MOGS: variants seen among roughly 807,000 people sequenced by gnomAD.
The protein encoded by MOGS is epididymis secretory sperm binding protein.
Under a neutral mutation model 68.5 loss-of-function variants are expected in MOGS, and 45 were observed. The observed-to-expected ratio is 0.66, with a 90% CI of 0.52 to 0.84. MOGS has a LOEUF of 0.84. Ranked by LOEUF, MOGS falls within the 40% of genes least tolerant of loss-of-function variation. The pLI, the probability that MOGS is intolerant of heterozygous loss-of-function variation, is 0.00. For missense variants in MOGS, 1,020 were observed against 1,095.0 expected, an observed-to-expected ratio of 0.93 and a Z score of 0.97; for synonymous variants, 492 against 461.2, an observed-to-expected ratio of 1.07 and a Z score of -0.86.
chr2:74,463,837 G>C (rs1199957322), intron 2 of MOGS, among the ~76,000 whole-genome samples: 1 of 147,808 alleles, frequency 6.8e-6, no homozygotes, highest in Non-Finnish European at 1.5e-5. Flanking sequence ...CTAATTTTTT[G>C]TATTTTTAGT....
rs1672008503 is a variant in MOGS at position 74,464,438 on chromosome 2, C to T, written c.579+58G>A. 4 of 1,564,296 alleles carry T rather than the reference C, an allele frequency of 2.6e-6. No individual in the cohort carries two copies. In the South Asian group the frequency reaches 4.4e-5, roughly 17 times the overall value. On this transcript the variant is annotated intron_variant, in intron 2 of 3. Coordinates refer to ENST00000448666, the MANE Select transcript of MOGS (RefSeq NM_006302.3). ...GCCCACTTCATGCTGCATTTGCTGG[C>T]AGCAAGGGAAGGATGGAGGGGGTCT...
Position 74,463,236 on chromosome 2 carries a change from G to C in MOGS, c.730C>G (p.Leu244Val). The change falls in exon 3 of 4, where the codon CTT becomes GTT. Residue 244 changes from leucine (L) to valine (V), a missense_variant. Physicochemically the swap from Leu to Val is conservative, Grantham distance 32. Coordinates refer to ENST00000448666, the MANE Select transcript of MOGS (RefSeq NM_006302.3). ...TCCCCTGGACTGGTTGGTGGCAAAA[G>C]TGTAAAGCGGAAGTCACCAAGTTCA... The part of the protein sequence containing the change: ...TSELGDFRFT[L>V]LPPTSPGDTA... 6.2e-7 allele frequency: 1 copy of C among 1,614,174 alleles called. No homozygotes were observed. The highest frequency in any genetic ancestry group is 8.5e-7 in the Non-Finnish European group (1 of 1,180,032).
Position 74,462,534 on chromosome 2 carries a change from C to T in MOGS, c.1255G>A (p.Gly419Arg). Residue 419 changes from glycine (G) to arginine (R), a missense_variant, in exon 4 of 4, where the codon GGG (glycine) becomes AGG (arginine). Physicochemically the swap from Gly to Arg is moderately radical, Grantham distance 125 (BLOSUM62 -2). Around this residue, in one of 3 missense-constraint regions of MOGS, gnomAD observed 569 missense variants for 571.9 expected, o/e 0.99. Coordinates refer to ENST00000448666, the MANE Select transcript of MOGS (RefSeq NM_006302.3). ...GCTGGGTCCACCTTCTGCTCAGACC[C>T]TTCCACCCCGATGTCTGGCAATACC... ...GLVLPDIGVE[G>R]SEQKVDPALF... 2 of 1,609,772 alleles carry T rather than the reference C, an allele frequency of 1.2e-6. No individual in the cohort carries two copies. Among genetic ancestry groups the T allele is most frequent in the Non-Finnish European group, 1.7e-6 (2 of 1,177,140 alleles).
chr2:74,461,632 G>C lies in MOGS; in HGVS notation c.2157C>G (p.Ser719Arg). 6.2e-7 allele frequency: 1 copy of C among 1,614,028 alleles called. No individual in the cohort carries two copies. Among genetic ancestry groups the C allele is most frequent in the African/African-American group, 1.3e-5 (1 of 75,048 alleles). ...AACCAAAGGGGCTCCAGAGATGGCG[G>C]CTGTCGGCTAGAATGTCCAGCAGGG... ...LGPLLDILAD[S>R]RHLWSPFGLR... Residue 719 changes from serine to arginine, a missense_variant, in exon 4 of 4, where the codon AGC becomes AGG. Ser to Arg is a moderately radical substitution (Grantham distance 110, BLOSUM62 -1). Transcript: ENST00000448666.
In MOGS at chr2:74,465,223, G is replaced by A. The variant is rs1672036891; in HGVS notation, c.25C>T (p.Arg9Cys). The change falls in exon 1 of 4, where the codon CGC becomes TGC. Residue 9 changes from arginine (R) to cysteine (C), a missense_variant. Around this residue, in one of 3 missense-constraint regions of MOGS, gnomAD observed 569 missense variants for 571.9 expected, o/e 0.99. Coordinates refer to ENST00000448666, the MANE Select transcript of MOGS (RefSeq NM_006302.3). Reference sequence around the variant, plus strand: ...CGCACTCCCTCTGCCGGCACTGCGCGGCGCCGCCGCTCGCCCCGAGCCATC... The same window carrying A: ...CGCACTCCCTCTGCCGGCACTGCGCAGCGCCGCCGCTCGCCCCGAGCCATC... MARGERRR[R>C]AVPAEGVRTA... is the part of the protein sequence containing the mutation. 2 of 1,450,778 alleles carry A rather than the reference G, an allele frequency of 1.4e-6. No homozygotes were observed. The highest frequency in any genetic ancestry group is 1.8e-6 in the Non-Finnish European group (2 of 1,118,172). The allele number at this position is 1,450,778 out of a possible 1,614,324, so 89.9% of individuals were successfully genotyped here.
chr2:74,465,227 C>G lies in MOGS; in HGVS notation c.21G>C (p.Arg7=), dbSNP rs1158447843. Residue 7 remains arginine (R), a synonymous_variant, in exon 1 of 4, where the codon CGG becomes CGC. Coordinates refer to ENST00000448666, the MANE Select transcript of MOGS (RefSeq NM_006302.3). ...CTCCCTCTGCCGGCACTGCGCGGCG[C>G]CGCCGCTCGCCCCGAGCCATCCTGG... is the stretch of plus-strand genomic sequence containing the variant. The part of the protein sequence containing the change: MARGER[R]RRAVPAEGVR... The G allele has an allele frequency of 5.5e-6, 8 of 1,447,500 alleles. No individual in the cohort carries two copies. Among genetic ancestry groups the G allele is most frequent in the Non-Finnish European group, 4.5e-6 (5 of 1,116,534 alleles). The allele number at this position is 1,447,500 out of a possible 1,614,324, so 89.7% of individuals were successfully genotyped here.
rs752336550 is a variant in MOGS, at chr2:74,461,797, C to T, written c.1992G>A (p.Leu664=). The change falls in exon 4 of 4, where the codon CTG becomes CTA. Residue 664 remains leucine (L), a synonymous_variant. Coordinates refer to ENST00000448666, the MANE Select transcript of MOGS (RefSeq NM_006302.3). ...DFGNHTKAVQ[L]KPRPPQGLVR... is the part of the protein sequence containing the mutation. ...CGAGCCCCTGAGGGGGCCTGGGCTT[C>T]AGCTGTACTGCTTTTGTGTGGTTCC... The T allele has an allele frequency of 2.5e-6, 4 of 1,614,204 alleles. No homozygotes were observed. The South Asian group carries it at 4.4e-5, about 18-fold the overall frequency.
rs2103986028 is a variant in MOGS at position 74,465,165 on chromosome 2, C to T, written c.83G>A (p.Gly28Glu). 1 of 1,531,036 alleles carries T rather than the reference C, an allele frequency of 6.5e-7. No homozygotes were observed. The highest frequency in any genetic ancestry group is 1.2e-5 in the South Asian group (1 of 83,626). 94.8% of individuals were successfully genotyped at this position (1,531,036 alleles called of 1,614,324 possible). A position where few individuals can be genotyped will look rare whatever the true frequency, so the allele number is the denominator to read the frequency against. The stretch of plus-strand genomic sequence containing the variant: ...CCCGCCGCCCCGGCCGTCCCGTCGC[C>T]CGGGGCCTCCCCGAGCCGCCCTCTC... ...TAERAARGGP[G>E]RRDGRGGGPR... Residue 28 changes from glycine to glutamate, a missense_variant, in exon 1 of 4, where the codon GGG (glycine) becomes GAG (glutamate). Transcript: ENST00000448666.
chr2:74,463,578 C>T (rs1198370022), intron 2 of MOGS, 192 bp from the exon 3 acceptor site: 2 of 627,284 alleles, frequency 3.2e-6, no homozygotes, highest in Non-Finnish European at 5.7e-6. Context: ...AAGAGCCTTG[C>T]ACTGGGTGCC....
At chr2:74,463,660 C>CTTTTTT (rs952902052) in intron 2 of MOGS, 11 of 197,778 alleles carry the variant, frequency 5.6e-5, no homozygotes, top group Admixed American at 1.4e-4. Flanking sequence ...TCATTTAATT[C>CTTTTTT]TTTTTTTTTT....
chr2:74,465,050 G>A lies in MOGS; in HGVS notation c.198C>T (p.Tyr66=). The A allele has an allele frequency of 6.4e-7, 1 of 1,556,160 alleles. No individual in the cohort carries two copies. ...GCAGCGTGACCGCCCGCCGCGCACG[G>A]TACCACGCCAGCACCCAGCGCCCCG... The part of the protein sequence containing the change: ...GMSGRWVLAW[Y]RARRAVTLHS... Residue 66 remains tyrosine (Y), a synonymous_variant, in exon 1 of 4, where the codon TAC becomes TAT. Coordinates refer to ENST00000448666, the MANE Select transcript of MOGS (RefSeq NM_006302.3).
Position 74,461,152 on chromosome 2 carries a change from T to G in MOGS, c.*123A>C, listed in dbSNP as rs1008961505. The G allele has an allele frequency of 2.8e-6, 3 of 1,074,474 alleles. No homozygotes were observed. The highest frequency in any genetic ancestry group is 2.5e-5 in the East Asian group (1 of 39,374). 66.6% of individuals were successfully genotyped at this position (1,074,474 alleles called of 1,614,324 possible). ...TGTGGGATGACAGCAAGGAGACACC[T>G]GAGATGAAATGAGGAAGGTTTGAAT... is the stretch of plus-strand genomic sequence containing the variant. On this transcript the variant is annotated 3_prime_UTR_variant, in exon 4 of 4. Transcript: ENST00000448666.
intron 2 of MOGS, among the ~76,000 whole-genome samples, chr2:74,464,232 T>C (rs1408178315): frequency 6.6e-6 from 1 of 152,218 alleles, no homozygotes. Context: ...GTACTGGGAT[T>C]ACAGGCGTGA....
chr2:74,461,935 C>T lies in MOGS; in HGVS notation c.1854G>A (p.Leu618=). The T allele has an allele frequency of 6.2e-7, 1 of 1,614,162 alleles. No individual in the cohort carries two copies. The highest frequency in any genetic ancestry group is 8.5e-7 in the Non-Finnish European group (1 of 1,180,020). Residue 618 remains leucine, a synonymous_variant, in exon 4 of 4, where the codon CTG becomes CTA. Transcript: ENST00000448666. Reference sequence around the variant, plus strand: ...GCTCAGCAGCTACCTCAGCCTCACCCAGATGCTCTGCCAGCCGCGTCAGCA... The same window carrying T: ...GCTCAGCAGCTACCTCAGCCTCACCTAGATGCTCTGCCAGCCGCGTCAGCA... The part of the protein sequence containing the change: ...ARVLTRLAEH[L]GEAEVAAELG...
Position 74,461,128 on chromosome 2 carries a change from G to T in MOGS, c.*147C>A. ...GGATTCACATTCACCCCAGGGCTAT[G>T]TGGGATGACAGCAAGGAGACACCTG... On this transcript the variant is annotated 3_prime_UTR_variant, in exon 4 of 4. Transcript: ENST00000448666. The T allele has an allele frequency of 1.2e-6, 1 of 868,604 alleles. No homozygotes were observed. The highest frequency in any genetic ancestry group is 1.8e-6 in the Non-Finnish European group (1 of 540,572). 53.8% of individuals were successfully genotyped at this position (868,604 alleles called of 1,614,324 possible). A position where few individuals can be genotyped will look rare whatever the true frequency, so the allele number is the denominator to read the frequency against.
At position 74,462,902 on chromosome 2, in the gene MOGS, C is replaced by T. The variant is rs559761110; in HGVS notation, c.887G>A (p.Arg296His). The change falls in exon 4 of 4, where the codon CGC (arginine) becomes CAC (histidine). Residue 296 changes from arginine to histidine, a missense_variant. By Grantham distance (29) the Arg-to-His change is conservative (BLOSUM62 0). Around this residue, in one of 3 missense-constraint regions of MOGS, gnomAD observed 569 missense variants for 571.9 expected, o/e 0.99. Transcript: ENST00000448666. Reference sequence around the variant, plus strand: ...CAGGGATCCTGGCAAGCCGAGGTAGCGTTCAGGGGGGGCCCCTGGGGGCCG... The same window carrying T: ...CAGGGATCCTGGCAAGCCGAGGTAGTGTTCAGGGGGGGCCCCTGGGGGCCG... ...QHRPPGAPPERYLGLPGSLKW... is the reference protein window; with the variant it reads ...QHRPPGAPPEHYLGLPGSLKW... 5 of 1,614,078 alleles carry T rather than the reference C, an allele frequency of 3.1e-6. No homozygotes were observed. The highest frequency in any genetic ancestry group is 1.3e-5 in the African/African-American group (1 of 74,954).
Position 74,464,602 on chromosome 2 carries a change from C to T in MOGS, c.473G>A (p.Arg158His), listed in dbSNP as rs1019504086. The T allele has an allele frequency of 6.2e-7, 1 of 1,614,064 alleles. No homozygotes were observed. The highest frequency in any genetic ancestry group is 8.5e-7 in the Non-Finnish European group (1 of 1,180,038). The change falls in exon 2 of 4, where the codon CGC becomes CAC. Residue 158 changes from arginine to histidine, a missense_variant. Physicochemically the swap from Arg to His is conservative, Grantham distance 29. Coordinates refer to ENST00000448666, the MANE Select transcript of MOGS (RefSeq NM_006302.3). ...WEFHDGLSFG[R>H]QHIQDGALRL... ...TAAGGCCCCATCCTGGATGTGTTGG[C>T]GCCCGAAGGAGAGGCCGTCGTGGAA...
At chr2:74,464,848 C>A in intron 1 of MOGS, 48 bp downstream of exon 1, 2 of 1,579,644 alleles carry the variant, frequency 1.3e-6, no homozygotes, top group South Asian at 1.1e-5. Context: ...CAAGCTGGGG[C>A]GCCCAGATTA....
rs1258794092 is a variant in MOGS at position 74,461,867 on chromosome 2, T to C, written c.1922A>G (p.Asp641Gly). ...TAGCTCTGGGGCCCAGTGCAGCTCA[T>C]CCAGGCTCTCTGCTGCCTCCAGTGA... ...AASLEAAESL[D>G]ELHWAPELGV... The change falls in exon 4 of 4, where the codon GAT becomes GGT. Residue 641 changes from aspartate to glycine, a missense_variant. Around this residue, in one of 3 missense-constraint regions of MOGS, gnomAD observed 270 missense variants for 261.3 expected, o/e 1.03. Transcript: ENST00000448666. 6.2e-7 allele frequency: 1 copy of C among 1,613,926 alleles called. No homozygotes were observed. Among genetic ancestry groups the C allele is most frequent in the Non-Finnish European group, 8.5e-7 (1 of 1,180,022 alleles).
Sources: gnomAD v4.1 joint callset for allele counts (sites outside exome capture counted in the v4.1 genomes callset) on GRCh38, gnomAD v4.1.1 for gene constraint, gnomAD v4.1.1 regional missense constraint, MANE v1.5 for transcripts, NCBI Gene and HGNC (gene_info 2026-07-23, HGNC 2026-07-21) for gene names.